The following DLGAP2 variants were observed in gnomAD, a reference collection of about 807,000 sequenced individuals.
DLGAP2 encodes DLG associated protein 2.
Under a neutral mutation model 100.3 loss-of-function variants are expected in DLGAP2, and 26 were observed. That is an observed-to-expected ratio of 0.26 (90% confidence interval 0.19 to 0.36). The LOEUF (loss-of-function observed/expected upper bound fraction) is 0.36. Among genes scored for constraint, DLGAP2 ranks in the 10% least tolerant of loss-of-function variants. The pLI, the probability that DLGAP2 is intolerant of heterozygous loss-of-function variation, is 1.00. For synonymous variants in DLGAP2, 886 were observed against 630.1 expected (o/e 1.41, Z -6.08); for missense variants, 1,858 against 1,453.2 (o/e 1.28, Z -4.53).
intron 2 of DLGAP2, among the ~76,000 whole-genome samples, chr8:1,217,722 C>T (rs1187371765): frequency 2.0e-5 from 3 of 152,014 alleles, no homozygotes; most frequent in African/African-American, 7.2e-5. Flanking sequence ...TATATTCCCA[C>T]CAGTAGTGGG....
intron 6 of DLGAP2, among the ~76,000 whole-genome samples, chr8:1,585,834 C>A (rs142129069): frequency 1.1e-3 from 163 of 152,316 alleles, no homozygotes; most frequent in African/African-American, 3.2e-3. Flanking sequence ...AGAGCTAACA[C>A]ACGTAATTGT....
At chr8:1,502,097 G>A (rs1260986716) in intron 4 of DLGAP2, among the ~76,000 whole-genome samples, 6 of 152,186 alleles carry the variant, frequency 3.9e-5, no homozygotes, top group East Asian at 1.9e-4. Context: ...TAAAATCAAC[G>A]TCAAACCACA....
intron 4 of DLGAP2, among the ~76,000 whole-genome samples, chr8:1,546,985 G>C (rs1801562398): frequency 6.6e-6 from 1 of 152,136 alleles, no homozygotes; most frequent in African/African-American, 2.4e-5. Context: ...CTCCTGTCTG[G>C]GTCTTTGGCC....
intron 6 of DLGAP2, among the ~76,000 whole-genome samples, chr8:1,572,559 A>G (rs1584942265): frequency 1.1e-5 from 1 of 89,194 alleles, no homozygotes; most frequent in African/African-American, 4.6e-5. Flanking sequence ...TGAGATGGAG[A>G]GGAGAGAGGG....
intron 2 of DLGAP2, among the ~76,000 whole-genome samples, chr8:1,010,947 T>C (rs1034171992): frequency 2.7e-5 from 4 of 150,934 alleles, no homozygotes; most frequent in South Asian, 2.1e-4. Context: ...GTCTACACAG[T>C]GAACCCCGGG....
intron 3 of DLGAP2, among the ~76,000 whole-genome samples, chr8:1,469,616 G>T (rs1405979869): frequency 6.6e-6 from 1 of 152,152 alleles, no homozygotes; most frequent in Non-Finnish European, 1.5e-5. Flanking sequence ...CAGCTCTTGG[G>T]CAACGTGAAA....
At chr8:1,284,430 G>A (rs892595042) in intron 3 of DLGAP2, among the ~76,000 whole-genome samples, 4 of 152,088 alleles carry the variant, frequency 2.6e-5, no homozygotes, top group Non-Finnish European at 5.9e-5. Flanking sequence ...GAGTGTGCAG[G>A]TGTGTGGACC....
intron 6 of DLGAP2, among the ~76,000 whole-genome samples, chr8:1,599,366 A>T (rs1796554426): frequency 6.6e-6 from 1 of 152,190 alleles, no homozygotes; most frequent in Admixed American, 6.5e-5. Context: ...AGTTATGTAG[A>T]TGTCAATTGG....
At chr8:771,555 G>A (rs1006847454) in intron 1 of DLGAP2, among the ~76,000 whole-genome samples, 1 of 152,130 alleles carries the variant, frequency 6.6e-6, no homozygotes, top group East Asian at 1.9e-4. Flanking sequence ...GGATTGCCAG[G>A]GCAACTTTCA....
intron 1 of DLGAP2, among the ~76,000 whole-genome samples, chr8:805,956 T>C (rs549548228): frequency 1.4e-4 from 21 of 152,356 alleles, no homozygotes; most frequent in Admixed American, 1.3e-4. Context: ...TTCAACTTGG[T>C]CTGTGAGTTC....
chr8:1,151,907 A>G (rs1796704782), intron 2 of DLGAP2, among the ~76,000 whole-genome samples: 2 of 152,346 alleles, frequency 1.3e-5, no homozygotes, highest in African/African-American at 4.8e-5. Context: ...TAAACAGCGA[A>G]GCGTCCTGAT....
intron 1 of DLGAP2, among the ~76,000 whole-genome samples, chr8:847,279 TTC>T (rs1336685966): frequency 6.6e-6 from 1 of 152,216 alleles, no homozygotes; most frequent in Admixed American, 6.5e-5. Context: ...TTCACAGTGT[TTC>T]TTTTGATCTA....
intron 2 of DLGAP2, among the ~76,000 whole-genome samples, chr8:1,158,421 G>T (rs1457702741): frequency 6.6e-6 from 1 of 152,160 alleles, no homozygotes; most frequent in Non-Finnish European, 1.5e-5. Context: ...ATTTGAGATT[G>T]CCAACTTTTA....
chr8:1,414,788 C>T (rs920814311), intron 3 of DLGAP2, among the ~76,000 whole-genome samples: 17 of 152,208 alleles, frequency 1.1e-4, no homozygotes, highest in Non-Finnish European at 2.4e-4. Context: ...GTGGGCAGAT[C>T]ACCTGAGGTC....
intron 3 of DLGAP2, among the ~76,000 whole-genome samples, chr8:1,388,878 C>T (rs1370034595): frequency 3.3e-5 from 4 of 122,882 alleles, no homozygotes; most frequent in Admixed American, 8.1e-5. Flanking sequence ...GATGGGGAGG[C>T]GCTGGTTCAA....
chr8:1,487,829 A>C (rs924112700), intron 3 of DLGAP2, among the ~76,000 whole-genome samples: 3 of 152,130 alleles, frequency 2.0e-5, no homozygotes, highest in Non-Finnish European at 2.9e-5. Flanking sequence ...TCACGTCCTC[A>C]CTACCTGCCA....
At chr8:871,685 C>G (rs1267974410) in intron 1 of DLGAP2, among the ~76,000 whole-genome samples, 2 of 152,016 alleles carry the variant, frequency 1.3e-5, no homozygotes, top group African/African-American at 4.8e-5. Context: ...TAAGTATAGT[C>G]CATATCTTCC....
chr8:1,659,957 G>T (rs1420441428), intron 8 of DLGAP2, among the ~76,000 whole-genome samples: 1 of 152,094 alleles, frequency 6.6e-6, no homozygotes, highest in Non-Finnish European at 1.5e-5. Context: ...TTACAATTTG[G>T]CATGTTTTTG....
At chr8:1,417,695 C>CCCCACTCCTGCCTCA (rs1796962299) in intron 3 of DLGAP2, among the ~76,000 whole-genome samples, 1 of 144,506 alleles carries the variant, frequency 6.9e-6, no homozygotes, top group African/African-American at 2.7e-5. Context: ...GCACAGGGGG[C>CCCCACTCCTGCCTCA]CCCACTCCTG....
Sources: gnomAD v4.1 joint callset for allele counts (sites outside exome capture counted in the v4.1 genomes callset) on GRCh38, gnomAD v4.1.1 for gene constraint, MANE v1.5 for transcripts, NCBI Gene and HGNC (gene_info 2026-07-23, HGNC 2026-07-21) for gene names.